PXN: variants seen among roughly 807,000 people sequenced by gnomAD.
The protein encoded by PXN is testicular tissue protein Li 134.
Under a neutral mutation model 103.6 loss-of-function variants are expected in PXN, and 61 were observed. The ratio of observed to expected loss-of-function variants is 0.59; its 90% CI spans 0.48 to 0.73. The LOEUF (loss-of-function observed/expected upper bound fraction) is 0.73. PXN is among the 30% of genes least tolerant of loss of function. The probability of loss-of-function intolerance (pLI) is 0.00; values close to 1 mark genes in which losing one functional copy is unlikely to be tolerated. For missense variants in PXN, 1,274 were observed against 1,460.3 expected (o/e 0.87, Z 2.08); for synonymous variants, 562 against 607.8 (o/e 0.92, Z 1.11).
rs766240653 is a variant in PXN at position 120,219,736 on chromosome 12, C to T, written c.1187G>A (p.Gly396Glu). 1.3e-5 allele frequency: 20 copies of T among 1,596,308 alleles called. No individual in the cohort carries two copies. In the African/African-American group the frequency reaches 2.4e-4, roughly 19 times the overall value. ...HLPTITSELS[G>E]APRCHTVPCA... ...GGGTACAGTGTGGCAGCGGGGAGCC[C>T]CAGAGAGCTCACTTGTGATGGTCGG... Residue 396 changes from glycine (G) to glutamate (E), a missense_variant, in exon 7 of 15, where the codon GGG becomes GAG. Gly to Glu is a moderately conservative substitution (Grantham distance 98). This residue lies in a region of PXN where 1,178 missense variants were observed against 1,309.0 expected (regional missense o/e 0.90). Coordinates refer to ENST00000637617, the MANE Select transcript of PXN (RefSeq NM_001385981.1). This position sits in a 1 kb window ranked among gnomAD's most constrained non-coding sequence, Gnocchi z 6.5.
intron 1 of PXN, among the ~76,000 whole-genome samples, chr12:120,252,900 A>G (rs902558446): frequency 8.8e-5 from 13 of 148,394 alleles, no homozygotes; most frequent in African/African-American, 3.2e-4. Flanking sequence ...CGGGAGGTTG[A>G]GGTAGGAGAA....
intron 1 of PXN, among the ~76,000 whole-genome samples, chr12:120,262,404 AG>A (rs1894012723): frequency 6.6e-6 from 1 of 152,198 alleles, no homozygotes; most frequent in Non-Finnish European, 1.5e-5. Context: ...ATTACTCAGC[AG>A]GCCCCAAGGC....
intron 1 of PXN, among the ~76,000 whole-genome samples, chr12:120,263,753 G>A (rs771648292): frequency 2.6e-5 from 4 of 152,132 alleles, no homozygotes; most frequent in African/African-American, 7.2e-5. Context: ...CCCCTCTCCC[G>A]TATACAGTAC....
Position 120,224,847 on chromosome 12 carries a change from A to G in PXN, c.14-470T>C. 1 of 416,622 alleles carries G rather than the reference A, an allele frequency of 2.4e-6. No individual in the cohort carries two copies. The highest frequency in any genetic ancestry group is 1.7e-5 in the South Asian group (1 of 59,636). 25.8% of individuals were successfully genotyped at this position (416,622 alleles called of 1,614,324 possible). ...TAGGCTTTCCCAGCCCCCGACTGGA[A>G]GGGGCACTCAGGATGGTCCCTGCCC... On this transcript the variant is annotated intron_variant, in intron 1 of 14. Coordinates refer to ENST00000637617, the MANE Select transcript of PXN (RefSeq NM_001385981.1). This position sits in a 1 kb window ranked among gnomAD's most constrained non-coding sequence, Gnocchi z 5.0.
Position 120,224,583 on chromosome 12 carries a change from C to T in PXN, c.14-206G>A. The T allele has an allele frequency of 1.4e-6, 1 of 698,404 alleles. No homozygotes were observed. Among genetic ancestry groups the T allele is most frequent in the South Asian group, 1.5e-5 (1 of 66,890 alleles). 43.3% of individuals were successfully genotyped at this position (698,404 alleles called of 1,614,324 possible). Reference sequence around the variant, plus strand: ...GCTCCCAAAGCTAACTTCTTCTGGCCACCCAGGACTGAAAGTGCTCTAGAG... The same window carrying T: ...GCTCCCAAAGCTAACTTCTTCTGGCTACCCAGGACTGAAAGTGCTCTAGAG... On this transcript the variant is annotated intron_variant, in intron 1 of 14. Transcript: ENST00000637617. The surrounding 1 kb of genome is among the most constrained non-coding windows in gnomAD (Gnocchi z 5.0).
intron 1 of PXN, among the ~76,000 whole-genome samples, chr12:120,246,216 G>A (rs1217721921): frequency 2.7e-5 from 4 of 149,798 alleles, no homozygotes; most frequent in Non-Finnish European, 5.9e-5. Flanking sequence ...GTGAGATTCC[G>A]TCTCTACAAA....
At chr12:120,238,462 C>A (rs951041559) in intron 1 of PXN, among the ~76,000 whole-genome samples, 1 of 152,212 alleles carries the variant, frequency 6.6e-6, no homozygotes, top group Non-Finnish European at 1.5e-5. Flanking sequence ...CCATGCCCAG[C>A]TGGCTATGCC....
chr12:120,257,902 C>A (rs1281347006), intron 1 of PXN, among the ~76,000 whole-genome samples: 1 of 152,154 alleles, frequency 6.6e-6, no homozygotes, highest in African/African-American at 2.4e-5. Context: ...TTATGTAAAG[C>A]CTTGCTGTGG....
rs1883775971 is a variant in PXN at position 120,217,962 on chromosome 12, T to A, written c.1717-846A>T. 6.6e-6 allele frequency among the ~76,000 whole-genome samples: 1 copy of A among 151,694 alleles called. No individual in the cohort carries two copies. Among genetic ancestry groups the A allele is most frequent in the Non-Finnish European group, 1.5e-5 (1 of 67,990 alleles). On this transcript the variant is annotated intron_variant, in intron 7 of 14. Coordinates refer to ENST00000637617, the MANE Select transcript of PXN (RefSeq NM_001385981.1). This position sits in a 1 kb window ranked among gnomAD's most constrained non-coding sequence, Gnocchi z 4.1. ...ATATTATTATGCTAATATTATATTATGCTATTATACTTGTTGGTAGTGTTT... is the reference window on the plus strand; with the variant it reads ...ATATTATTATGCTAATATTATATTAAGCTATTATACTTGTTGGTAGTGTTT...
chr12:120,244,063 C>A (rs1190976634), intron 1 of PXN, among the ~76,000 whole-genome samples: 1 of 151,454 alleles, frequency 6.6e-6, no homozygotes, highest in African/African-American at 2.4e-5. Flanking sequence ...CCTGGTCCTC[C>A]CTAAGAGCTC....
Position 120,220,069 on chromosome 12 carries a change from A to C in PXN, c.854T>G (p.Leu285Arg). Residue 285 changes from leucine (L) to arginine (R), a missense_variant, in exon 7 of 15, where the codon CTG (leucine) becomes CGG (arginine). Physicochemically the swap from Leu to Arg is moderately radical, Grantham distance 102. Transcript: ENST00000637617. The surrounding 1 kb of genome is among the most constrained non-coding windows in gnomAD (Gnocchi z 6.1). ...DFKTSSSTVA[L>R]SAPGLSSSAP... ...AGAGCTGGACAGCCCCGGGGCACTC[A>C]GAGCCACAGTGGAGGAGCTGGTCTG... The C allele has an allele frequency of 1.5e-6, 2 of 1,347,480 alleles. No homozygotes were observed. The highest frequency in any genetic ancestry group is 2.0e-6 in the Non-Finnish European group (2 of 988,980). The allele number at this position is 1,347,480 out of a possible 1,614,324, so 83.5% of individuals were successfully genotyped here.
rs535784565 is a variant in PXN, at chr12:120,219,594, T to A, written c.1329A>T (p.Val443=). Residue 443 remains valine, a synonymous_variant, in exon 7 of 15, where the codon GTA becomes GTT. Coordinates refer to ENST00000637617, the MANE Select transcript of PXN (RefSeq NM_001385981.1). The surrounding 1 kb of genome is among the most constrained non-coding windows in gnomAD (Gnocchi z 6.5). ...ATWEQPWASE[V]FGPERMPPSG... is the part of the protein sequence containing the mutation. Reference sequence around the variant, plus strand: ...AGGGGGGCATTCTCTCAGGCCCGAATACCTCCGAAGCCCATGGCTGCTCCC... The same window carrying A: ...AGGGGGGCATTCTCTCAGGCCCGAAAACCTCCGAAGCCCATGGCTGCTCCC... 1.4e-5 allele frequency: 22 copies of A among 1,566,392 alleles called. No homozygotes were observed. In the Admixed American group the frequency reaches 4.1e-4, roughly 29 times the overall value.
chr12:120,231,368 T>C (rs550784370), intron 1 of PXN, among the ~76,000 whole-genome samples: 3 of 152,202 alleles, frequency 2.0e-5, no homozygotes, highest in Admixed American at 6.5e-5. Flanking sequence ...ATCAATACCA[T>C]AGTGTCATTT....
chr12:120,219,787 C>G lies in PXN; in HGVS notation c.1136G>C (p.Ser379Thr). ...CAGGTGCCTCCAATCTCGACCCTGA[C>G]TCTCTGTGCCCACTGCCCACAGAGA... ...EGSLWAVGTESQGRDWRHLPT... is the reference protein window; with the variant it reads ...EGSLWAVGTETQGRDWRHLPT... Residue 379 changes from serine to threonine, a missense_variant, in exon 7 of 15, where the codon AGT (serine) becomes ACT (threonine). Around this residue, in one of 2 missense-constraint regions of PXN, gnomAD observed 1,178 missense variants for 1,309.0 expected, o/e 0.90. Transcript: ENST00000637617. The surrounding 1 kb of genome is among the most constrained non-coding windows in gnomAD (Gnocchi z 6.5). The G allele has an allele frequency of 6.3e-7, 1 of 1,598,218 alleles. No individual in the cohort carries two copies. Among genetic ancestry groups the G allele is most frequent in the Non-Finnish European group, 8.5e-7 (1 of 1,179,684 alleles).
At chr12:120,260,749 T>C (rs1893754306) in intron 1 of PXN, among the ~76,000 whole-genome samples, 1 of 152,176 alleles carries the variant, frequency 6.6e-6, no homozygotes, top group Non-Finnish European at 1.5e-5. Context: ...GCACATTGCT[T>C]GAGGCCAGGT....
chr12:120,261,435 C>A (rs1399962605), intron 1 of PXN, among the ~76,000 whole-genome samples: 1 of 152,148 alleles, frequency 6.6e-6, no homozygotes, highest in Non-Finnish European at 1.5e-5. Flanking sequence ...AAAAGATGCA[C>A]CCACTTCAGC....
rs188662174 is a variant in PXN at position 120,215,614 on chromosome 12, G to A, written c.2349C>T (p.Ala783=). ...TCCGCCCGCCGTCCCGAGGCCAGCC[G>A]GCCGCCCAGCACCGCTCCCCATCCG... ...QRADGERCWA[A]GWPRDGGRSS... The change falls in exon 10 of 15, where the codon GCC becomes GCT. Residue 783 remains alanine, a synonymous_variant. Coordinates refer to ENST00000637617, the MANE Select transcript of PXN (RefSeq NM_001385981.1). This position sits in a 1 kb window ranked among gnomAD's most constrained non-coding sequence, Gnocchi z 4.9. The A allele has an allele frequency of 5.2e-4, 830 of 1,611,384 alleles. 3 individuals are homozygous for A. The Middle Eastern group carries it at 5.5e-3, about 11-fold the overall frequency.
intron 1 of PXN, among the ~76,000 whole-genome samples, chr12:120,232,873 A>G (rs1010663638): frequency 3.3e-5 from 5 of 152,154 alleles, no homozygotes; most frequent in Non-Finnish European, 5.9e-5. Context: ...CTAACCAGCC[A>G]GCACCTTCCC....
intron 1 of PXN, chr12:120,227,077 C>A (rs1887017487): frequency 1.0e-6 from 1 of 985,974 alleles, no homozygotes; most frequent in African/African-American, 1.7e-5. Flanking sequence ...TCTCCTAAGT[C>A]TTTTCTGGGT....
Sources: allele counts gnomAD v4.1 joint callset (sites outside exome capture counted in the v4.1 genomes callset), GRCh38; gene constraint gnomAD v4.1.1; regional missense constraint gnomAD v4.1.1; non-coding constraint Gnocchi (gnomAD v3.1); transcripts MANE v1.5; gene names NCBI Gene and HGNC (gene_info 2026-07-23, HGNC 2026-07-21).